The following BPTF variants were observed in gnomAD, a reference collection of about 807,000 sequenced individuals.
BPTF encodes bromodomain PHD finger transcription factor.
A neutral mutation model predicts 292.5 loss-of-function variants in BPTF; 18 were observed. The ratio of observed to expected loss-of-function variants is 0.06; its 90% CI spans 0.04 to 0.09. The LOEUF is 0.09. Ranked by LOEUF, BPTF falls within the 10% of genes least tolerant of loss-of-function variation. The probability of loss-of-function intolerance (pLI) is 1.00; values close to 1 mark genes in which losing one functional copy is unlikely to be tolerated. For synonymous variants in BPTF, 1,225 were observed against 1,251.9 expected (o/e 0.98, Z 0.45); for missense variants, 2,726 against 3,498.7 (o/e 0.78, Z 5.57).
chr17:67,967,669 A>C (rs1555688284), intron 26 of BPTF, among the ~76,000 whole-genome samples: 1 of 152,062 alleles, frequency 6.6e-6, no homozygotes, highest in South Asian at 2.1e-4. Flanking sequence ...AAATAGAAAA[A>C]TTAGCCAGTT....
chr17:67,834,278 T>C (rs1432871494), intron 1 of BPTF, among the ~76,000 whole-genome samples: 1 of 152,272 alleles, frequency 6.6e-6, no homozygotes, highest in African/African-American at 2.4e-5. Context: ...TCAGAGAGTA[T>C]ACTTTGTATG....
rs1223264832 is a variant in BPTF, at chr17:67,949,646, T to TA, written c.7926+1341dup. Among the ~76,000 whole-genome samples, 3 of 116,798 alleles carry TA rather than the reference T, an allele frequency of 2.6e-5. No individual in the cohort carries two copies. The South Asian group carries it at 1.0e-3, about 40-fold the overall frequency. 76.6% of individuals were successfully genotyped at this position (116,798 alleles called of 152,430 possible). On this transcript the variant is annotated intron_variant, in intron 23 of 27. Transcript: ENST00000306378. ...ACATATATACACATACGTACATATATATATATACACACAGACATATATATA... is the reference window on the plus strand; with the variant it reads ...ACATATATACACATACGTACATATATAATATATACACACAGACATATATATA...
chr17:67,885,729 A>G (rs559194876), intron 4 of BPTF, among the ~76,000 whole-genome samples: 1 of 152,240 alleles, frequency 6.6e-6, no homozygotes, highest in African/African-American at 2.4e-5. Context: ...AAGTAAGACT[A>G]TAAGCTTCAG....
Position 67,948,188 on chromosome 17 carries a change from G to A in BPTF, c.7808G>A (p.Arg2603His), listed in dbSNP as rs782273038. 8 of 1,614,040 alleles carry A rather than the reference G, an allele frequency of 5.0e-6. No individual in the cohort carries two copies. Among genetic ancestry groups the A allele is most frequent in the African/African-American group, 2.7e-5 (2 of 74,920 alleles). ...CGTGAAGAGAGTGTGGAGCAGAAAC[G>A]TAGCAAGCAGAATGCCACTAAGCTG... ...RKREESVEQK[R>H]SKQNATKLSA... Residue 2603 changes from arginine (R) to histidine (H), a missense_variant, in exon 23 of 28, where the codon CGT becomes CAT. By Grantham distance (29) the Arg-to-His change is conservative. This residue lies in a region of BPTF where 26 missense variants were observed against 60.6 expected (regional missense o/e 0.43). Coordinates refer to ENST00000306378, the MANE Select transcript of BPTF (RefSeq NM_182641.4).
chr17:67,927,067 A>T (rs980295772), intron 15 of BPTF, among the ~76,000 whole-genome samples: 3 of 152,200 alleles, frequency 2.0e-5, no homozygotes, highest in Admixed American at 2.0e-4. Context: ...GTCCTAAAAA[A>T]ATTGGACGTG....
At chr17:67,843,051 C>G (rs2057685898) in intron 1 of BPTF, among the ~76,000 whole-genome samples, 1 of 150,654 alleles carries the variant, frequency 6.6e-6, no homozygotes, top group South Asian at 2.1e-4. Context: ...AGTTATAACA[C>G]TGGTGAGACT....
In BPTF at chr17:67,891,915, G is replaced by A. The variant is rs749148609; in HGVS notation, c.1936G>A (p.Gly646Ser). ...ESPGAGKGAS[G>S]STRIITRLRN... ...TCCTGGAGCTGGAAAAGGAGCATCT[G>A]GCTCAACTCGAATCATCACCAGATT... The change falls in exon 5 of 28, where the codon GGC (glycine) becomes AGC (serine). Residue 646 changes from glycine (G) to serine (S), a missense_variant. By Grantham distance (56) the Gly-to-Ser change is moderately conservative. Around this residue, in one of 22 missense-constraint regions of BPTF, gnomAD observed 187 missense variants for 201.5 expected, o/e 0.93. Transcript: ENST00000306378. 1.2e-6 allele frequency: 2 copies of A among 1,612,604 alleles called. No individual in the cohort carries two copies. Among genetic ancestry groups the A allele is most frequent in the South Asian group, 1.1e-5 (1 of 90,714 alleles).
At chr17:67,872,063 G>A (rs1271231360) in intron 3 of BPTF, among the ~76,000 whole-genome samples, 1 of 151,928 alleles carries the variant, frequency 6.6e-6, no homozygotes, top group Non-Finnish European at 1.5e-5. Flanking sequence ...TAGCCTCAAG[G>A]GATTCACCTG....
intron 18 of BPTF, 124 bp downstream of exon 18, chr17:67,932,143 A>G (rs1013453136): frequency 2.5e-6 from 2 of 787,032 alleles, no homozygotes; most frequent in African/African-American, 3.6e-5. Context: ...AGCATACTAA[A>G]TTTCTAATCC....
chr17:67,830,866 C>G (rs530956014), intron 1 of BPTF, among the ~76,000 whole-genome samples: 8 of 152,164 alleles, frequency 5.3e-5, no homozygotes, highest in South Asian at 2.1e-4. Context: ...CTTTTTCACT[C>G]CTGAACACCC....
intron 4 of BPTF, among the ~76,000 whole-genome samples, chr17:67,888,473 C>T (rs2060885823): frequency 2.0e-5 from 3 of 151,632 alleles, no homozygotes; most frequent in Admixed American, 6.6e-5. Flanking sequence ...GCCTGTAATC[C>T]CAGCTACTGG....
Position 67,894,176 on chromosome 17 carries a change from T to C in BPTF, c.2543+11T>C, listed in dbSNP as rs181262412. On this transcript the variant is annotated intron_variant, in intron 7 of 27. Coordinates refer to ENST00000306378, the MANE Select transcript of BPTF (RefSeq NM_182641.4). ...TTTAGGACATACCAGGTAAATGAAT[T>C]CTGAGCCTTGTAAATGATGAGTATT... 6,517 of 1,613,110 alleles carry C rather than the reference T, an allele frequency of 4.0e-3. 16 individuals are homozygous for C. The highest frequency in any genetic ancestry group is 5.0e-3 in the Non-Finnish European group (5,889 of 1,179,214).
At chr17:67,879,191 G>T (rs1419559901) in intron 4 of BPTF, among the ~76,000 whole-genome samples, 1 of 148,328 alleles carries the variant, frequency 6.7e-6, no homozygotes, top group African/African-American at 2.5e-5. Flanking sequence ...GCCCAGGCTG[G>T]AGTACAGTGG....
At chr17:67,830,612 A>G (rs1567852044) in intron 1 of BPTF, among the ~76,000 whole-genome samples, 1 of 140,872 alleles carries the variant, frequency 7.1e-6, no homozygotes, top group Non-Finnish European at 1.6e-5. Flanking sequence ...GAGTAAGGAA[A>G]GGCAGATTGA....
chr17:67,872,911 A>G (rs2059832026), intron 3 of BPTF, among the ~76,000 whole-genome samples: 2 of 152,028 alleles, frequency 1.3e-5, no homozygotes, highest in South Asian at 4.1e-4. Context: ...GTGAGACTCC[A>G]TCTCTATTTT....
chr17:67,928,520 C>T lies in BPTF; in HGVS notation c.5917C>T (p.Pro1973Ser), dbSNP rs2064104953. Residue 1973 changes from proline to serine, a missense_variant, in exon 16 of 28, where the codon CCA becomes TCA. This residue lies in a region of BPTF where 198 missense variants were observed against 277.1 expected (regional missense o/e 0.71). Coordinates refer to ENST00000306378, the MANE Select transcript of BPTF (RefSeq NM_182641.4). ...KMVLTTKVGS[P>S]ATVTFQQNKN... is the part of the protein sequence containing the mutation. ...GGTACTAACTACTAAAGTTGGATCT[C>T]CAGCTACAGTAACATTCCAACAAAA... 4 of 1,613,996 alleles carry T rather than the reference C, an allele frequency of 2.5e-6. No individual in the cohort carries two copies. Among genetic ancestry groups the T allele is most frequent in the Non-Finnish European group, 3.4e-6 (4 of 1,180,026 alleles).
chr17:67,843,079 T>C (rs954837177), intron 1 of BPTF, among the ~76,000 whole-genome samples: 2 of 150,930 alleles, frequency 1.3e-5, no homozygotes, highest in Non-Finnish European at 2.9e-5. Context: ...TATGTAGATA[T>C]ATATGTAGAT....
intron 18 of BPTF, among the ~76,000 whole-genome samples, chr17:67,938,025 A>G (rs922946343): frequency 1.3e-5 from 2 of 152,236 alleles, no homozygotes; most frequent in African/African-American, 4.8e-5. Context: ...AGGCAGGAGA[A>G]TCGCTTGAAC....
chr17:67,959,957 G>A, intron 24 of BPTF, 82 bp downstream of exon 24: 1 of 1,059,556 alleles, frequency 9.4e-7, no homozygotes, highest in Non-Finnish European at 1.4e-6. Context: ...TGAATATTTT[G>A]GGAGTGATAT....
Sources: gnomAD v4.1 joint callset for allele counts (sites outside exome capture counted in the v4.1 genomes callset) on GRCh38, gnomAD v4.1.1 for gene constraint, gnomAD v4.1.1 regional missense constraint, MANE v1.5 for transcripts, NCBI Gene and HGNC (gene_info 2026-07-23, HGNC 2026-07-21) for gene names.